Variants in NTRK2 observed in about 807,000 individuals in gnomAD.
NTRK2 encodes neurotrophic receptor tyrosine kinase 2.
NTRK2 carries 13 observed loss-of-function variants against 94.5 expected under a neutral mutation model. That is an observed-to-expected ratio of 0.14 (90% CI 0.09 to 0.22). NTRK2 has a LOEUF of 0.22. Ranked by LOEUF, NTRK2 falls within the 10% of genes least tolerant of loss-of-function variation. The pLI, the probability that NTRK2 is intolerant of heterozygous loss-of-function variation, is 1.00. For synonymous variants in NTRK2, 372 were observed against 407.4 expected, an observed-to-expected ratio of 0.91 and a Z score of 1.05; for missense variants, 639 against 1,071.2, an observed-to-expected ratio of 0.60 and a Z score of 5.63.
At chr9:84,813,508 C>G in intron 12 of NTRK2, 1 of 1,065,312 alleles carries the variant, frequency 9.4e-7, no homozygotes, top group Non-Finnish European at 1.1e-6. Context: ...TTTCTTTCTT[C>G]CTGACATTGC....
chr9:84,675,463 CT>C (rs762611393), intron 2 of NTRK2, among the ~76,000 whole-genome samples: 17 of 150,984 alleles, frequency 1.1e-4, no homozygotes, highest in Non-Finnish European at 2.2e-4. Flanking sequence ...CCTTATCCCT[CT>C]GGCTAACTTT....
At chr9:84,909,978 G>T (rs908356789) in intron 14 of NTRK2, among the ~76,000 whole-genome samples, 1 of 152,066 alleles carries the variant, frequency 6.6e-6, no homozygotes, top group African/African-American at 2.4e-5. Context: ...TTGTGCTTTT[G>T]GTTGTCAAGT....
chr9:84,734,411 C>T (rs2063108604), intron 9 of NTRK2, among the ~76,000 whole-genome samples: 1 of 152,200 alleles, frequency 6.6e-6, no homozygotes, highest in South Asian at 2.1e-4. Flanking sequence ...TAACTCTGCC[C>T]TTCCTTATTC....
At chr9:84,824,787 C>G (rs2073077101) in intron 12 of NTRK2, among the ~76,000 whole-genome samples, 1 of 152,172 alleles carries the variant, frequency 6.6e-6, no homozygotes, top group African/African-American at 2.4e-5. Flanking sequence ...CTACATCTTG[C>G]ATCACAGTGC....
chr9:84,778,346 G>A (rs2067251954), intron 12 of NTRK2, among the ~76,000 whole-genome samples: 1 of 152,176 alleles, frequency 6.6e-6, no homozygotes, highest in African/African-American at 2.4e-5. Context: ...TTGGCCACCA[G>A]CTCAGCTTAT....
chr9:84,916,630 A>G (rs1024761926), intron 14 of NTRK2, among the ~76,000 whole-genome samples: 20 of 152,286 alleles, frequency 1.3e-4, no homozygotes, highest in African/African-American at 4.8e-4. Flanking sequence ...GAGCAGGCCT[A>G]AGGCTGCTTA....
At chr9:84,902,739 C>T (rs931087233) in intron 14 of NTRK2, among the ~76,000 whole-genome samples, 11 of 152,128 alleles carry the variant, frequency 7.2e-5, no homozygotes, top group African/African-American at 1.9e-4. Flanking sequence ...GTCTCTAAGG[C>T]TTTCTATGTG....
intron 17 of NTRK2, among the ~76,000 whole-genome samples, chr9:85,016,395 C>T (rs1832229073): frequency 6.6e-6 from 1 of 152,152 alleles, no homozygotes; most frequent in Non-Finnish European, 1.5e-5. Flanking sequence ...GACCATGAGA[C>T]CCCATTCAAC....
intron 14 of NTRK2, among the ~76,000 whole-genome samples, chr9:84,931,634 G>T (rs1263985442): frequency 6.6e-6 from 1 of 151,462 alleles, no homozygotes; most frequent in Non-Finnish European, 1.5e-5. Context: ...ATGAAATTGT[G>T]GCTTTGGCCT....
chr9:84,935,525 C>G (rs1187768755), intron 15 of NTRK2, among the ~76,000 whole-genome samples: 1 of 152,168 alleles, frequency 6.6e-6, no homozygotes, highest in African/African-American at 2.4e-5. Context: ...AAACTCTGCA[C>G]TTTGGGGTGA....
intron 2 of NTRK2, among the ~76,000 whole-genome samples, chr9:84,700,620 A>G (rs2060661825): frequency 1.3e-5 from 2 of 152,074 alleles, no homozygotes; most frequent in South Asian, 4.1e-4. Flanking sequence ...TTATTTTTAA[A>G]ATTTATTTTC....
At chr9:84,697,435 G>C (rs1171777706) in intron 2 of NTRK2, among the ~76,000 whole-genome samples, 2 of 152,206 alleles carry the variant, frequency 1.3e-5, no homozygotes, top group Admixed American at 1.3e-4. Flanking sequence ...CCTTCCCACT[G>C]CTCCCTTGAG....
intron 12 of NTRK2, among the ~76,000 whole-genome samples, chr9:84,819,856 T>C (rs1465471649): frequency 6.6e-6 from 1 of 152,198 alleles, no homozygotes; most frequent in East Asian, 1.9e-4. Flanking sequence ...TTCCTGTTTG[T>C]TTCTTTACCC....
intron 17 of NTRK2, among the ~76,000 whole-genome samples, chr9:84,990,175 G>A (rs1048971219): frequency 9.8e-5 from 15 of 152,306 alleles, no homozygotes; most frequent in African/African-American, 3.6e-4. Flanking sequence ...AGGCCAGGCG[G>A]ATATTCATCT....
chr9:84,786,487 T>C (rs1395806376), intron 12 of NTRK2, among the ~76,000 whole-genome samples: 1 of 152,208 alleles, frequency 6.6e-6, no homozygotes, highest in Non-Finnish European at 1.5e-5. Context: ...TTTGTTCTTG[T>C]TGTTATTTTG....
chr9:84,948,760 C>A, intron 16 of NTRK2, 126 bp downstream of exon 16: 1 of 725,622 alleles, frequency 1.4e-6, no homozygotes, highest in Non-Finnish European at 2.3e-6. Context: ...GATAATGACA[C>A]CAGCATATGC....
chr9:84,679,245 C>G (rs2059248567), intron 2 of NTRK2, among the ~76,000 whole-genome samples: 1 of 152,216 alleles, frequency 6.6e-6, no homozygotes, highest in Admixed American at 6.5e-5. Flanking sequence ...TGGCCTTTCT[C>G]TTTGCAACTC....
chr9:85,006,333 A>G (rs1221148081), intron 17 of NTRK2, among the ~76,000 whole-genome samples: 2 of 152,172 alleles, frequency 1.3e-5, no homozygotes, highest in African/African-American at 4.8e-5. Context: ...GGCAGTGGCA[A>G]TGCTGGGGGC....
intron 17 of NTRK2, among the ~76,000 whole-genome samples, chr9:85,007,553 A>C (rs1299310870): frequency 6.6e-6 from 1 of 152,168 alleles, no homozygotes; most frequent in African/African-American, 2.4e-5. Context: ...GGACAGGGGG[A>C]GGAGGGAATG....
Sources: gnomAD v4.1 joint callset for allele counts (sites outside exome capture counted in the v4.1 genomes callset) on GRCh38, gnomAD v4.1.1 for gene constraint, MANE v1.5 for transcripts, NCBI Gene and HGNC (gene_info 2026-07-23, HGNC 2026-07-21) for gene names.